Variants in SLCO1A2 observed in about 807,000 individuals in gnomAD.
SLCO1A2 encodes the protein OATP-1.
SLCO1A2 carries 67 observed loss-of-function variants against 69.0 expected under a neutral mutation model. The ratio of observed to expected loss-of-function variants is 0.97; its 90% CI spans 0.80 to 1.19. SLCO1A2 has a LOEUF of 1.19. Among genes scored for constraint, SLCO1A2 ranks in the 50% most tolerant of loss-of-function variants. SLCO1A2 has a pLI of 0.00. For missense variants in SLCO1A2, 787 were observed against 793.7 expected, an observed-to-expected ratio of 0.99 and a Z score of 0.10; for synonymous variants, 260 against 265.9, an observed-to-expected ratio of 0.98 and a Z score of 0.22.
At chr12:21,371,819 A>G (rs1184756112) in intron 2 of SLCO1A2, among the ~76,000 whole-genome samples, 1 of 152,156 alleles carries the variant, frequency 6.6e-6, no homozygotes, top group Non-Finnish European at 1.5e-5. Flanking sequence ...CCTGACCAAC[A>G]TAGAGAATCC....
At chr12:21,384,984 C>T (rs895204643) in intron 1 of SLCO1A2, among the ~76,000 whole-genome samples, 5 of 152,048 alleles carry the variant, frequency 3.3e-5, no homozygotes, top group African/African-American at 1.2e-4. Context: ...CCAGGATGGT[C>T]TCGATCTCCT....
intron 12 of SLCO1A2, among the ~76,000 whole-genome samples, chr12:21,275,930 A>ACACTC (rs1371936257): frequency 6.6e-6 from 1 of 151,154 alleles, no homozygotes; most frequent in Non-Finnish European, 1.5e-5. Flanking sequence ...TGATAGAGCT[A>ACACTC]CACTCCATCT....
intron 11 of SLCO1A2, among the ~76,000 whole-genome samples, chr12:21,293,421 C>T (rs902013502): frequency 6.6e-6 from 1 of 151,914 alleles, no homozygotes; most frequent in African/African-American, 2.4e-5. Flanking sequence ...CTTTGATCAC[C>T]AACCAACGTT....
At chr12:21,315,758 T>C (rs143236560) in intron 3 of SLCO1A2, among the ~76,000 whole-genome samples, 2 of 152,170 alleles carry the variant, frequency 1.3e-5, no homozygotes, top group African/African-American at 4.8e-5. Context: ...ACCAAGCCCA[T>C]CCGTGTTACA....
intron 2 of SLCO1A2, among the ~76,000 whole-genome samples, chr12:21,372,204 T>A (rs1283162388): frequency 1.3e-5 from 2 of 152,314 alleles, no homozygotes; most frequent in Admixed American, 1.3e-4. Flanking sequence ...TGTGTAAGAA[T>A]GAATGGAAAA....
In SLCO1A2 at chr12:21,300,427, A is replaced by G. The variant is rs909216650; in HGVS notation, c.831T>C (p.Thr277=). 6.2e-6 allele frequency: 10 copies of G among 1,613,420 alleles called. No individual in the cohort carries two copies. The Admixed American group carries it at 6.7e-5, about 11-fold the overall frequency. Residue 277 remains threonine, a synonymous_variant, in exon 8 of 15, where the codon ACT becomes ACC. Transcript: ENST00000683939. ...PNTLPKEGLE[T]NADIIKNENE... The stretch of plus-strand genomic sequence containing the variant: ...TTTCATTTTTAATGATGTCAGCATT[A>G]GTCTCTAGTCCTTCCTTTGGAAGTG...
rs374206190 is a variant in SLCO1A2 at position 21,402,172 on chromosome 12, A to G, written c.-312+15710T>C. 1.6e-4 allele frequency among the ~76,000 whole-genome samples: 24 copies of G among 151,112 alleles called. No homozygotes were observed. The East Asian group carries it at 4.3e-3, about 27-fold the overall frequency. ...AACCAAGAAACTATAATGGAAAAAA[A>G]TTGTGGAGTCTACTTCTTTAATAGT... On this transcript the variant is annotated intron_variant, in intron 1 of 4. Transcript: ENST00000413682.
At position 21,390,862 on chromosome 12, in the gene SLCO1A2, A is replaced by G. The variant is rs184280912; in HGVS notation, c.-190+4044T>C. 2.6e-3 allele frequency among the ~76,000 whole-genome samples: 390 copies of G among 152,300 alleles called. 3 individuals are homozygous for G. Among genetic ancestry groups the G allele is most frequent in the African/African-American group, 8.5e-3 (352 of 41,588 alleles). The stretch of plus-strand genomic sequence containing the variant: ...AGAGCCTGAAATGTTATAAATTTCA[A>G]TAATTGGTAGCTCCTGCTGCTAGAC... On this transcript the variant is annotated intron_variant, in intron 1 of 15. Transcript: ENST00000307378.
intron 1 of SLCO1A2, among the ~76,000 whole-genome samples, chr12:21,384,705 G>A (rs867713722): frequency 1.3e-5 from 2 of 151,010 alleles, no homozygotes; most frequent in Non-Finnish European, 2.9e-5. Context: ...TTGAAATCAT[G>A]GAAAGGCATT....
intron 2 of SLCO1A2, among the ~76,000 whole-genome samples, chr12:21,332,082 G>C (rs932989354): frequency 2.0e-5 from 3 of 152,130 alleles, no homozygotes; most frequent in Non-Finnish European, 2.9e-5. Flanking sequence ...AATCAATTTA[G>C]AAAGTTTATT....
upstream of SLCO1A2, among the ~76,000 whole-genome samples, chr12:21,396,109 A>T (rs1458078351): frequency 4.6e-5 from 7 of 152,098 alleles, no homozygotes; most frequent in South Asian, 1.0e-3. Context: ...AAAGGCAAAG[A>T]AGTTGAAAAC....
At chr12:21,304,896 C>A (rs559478193) in intron 5 of SLCO1A2, among the ~76,000 whole-genome samples, 1 of 152,280 alleles carries the variant, frequency 6.6e-6, no homozygotes, top group Non-Finnish European at 1.5e-5. Flanking sequence ...CAGAAATTGG[C>A]AAACATTAAA....
intron 2 of SLCO1A2, chr12:21,372,913 T>C: frequency 5.0e-6 from 1 of 201,150 alleles, no homozygotes. Flanking sequence ...AGGGGGTAAA[T>C]ATTCCAGTGG....
rs535861114 is a variant in SLCO1A2, at chr12:21,290,447, C to T, written c.1610+1717G>A. 2.6e-5 allele frequency among the ~76,000 whole-genome samples: 4 copies of T among 152,054 alleles called. No homozygotes were observed. The South Asian group carries it at 6.2e-4, about 24-fold the overall frequency. On this transcript the variant is annotated intron_variant, in intron 12 of 14. Transcript: ENST00000683939. Reference sequence around the variant, plus strand: ...GGCCAAAGTAATTAAATCAAGGTGACGCTGGTATGGGAACAGGCAAATAAA... The same window carrying T: ...GGCCAAAGTAATTAAATCAAGGTGATGCTGGTATGGGAACAGGCAAATAAA...
intron 2 of SLCO1A2, among the ~76,000 whole-genome samples, chr12:21,368,470 A>ATT (rs35001636): frequency 6.7e-6 from 1 of 148,776 alleles, no homozygotes; most frequent in Admixed American, 6.7e-5. Context: ...AACCAGTTAA[A>ATT]TTTTTTTTTT....
intron 4 of SLCO1A2, among the ~76,000 whole-genome samples, chr12:21,309,089 A>G (rs917356625): frequency 1.3e-5 from 2 of 152,214 alleles, no homozygotes; most frequent in Admixed American, 6.5e-5. Context: ...AAAATTAAAA[A>G]TGTGGTAGCA....
chr12:21,306,386 C>T (rs943337704), intron 5 of SLCO1A2, among the ~76,000 whole-genome samples: 13 of 151,840 alleles, frequency 8.6e-5, no homozygotes, highest in African/African-American at 3.1e-4. Context: ...AGTGCAATGG[C>T]GCAATCTTGG....
intron 4 of SLCO1A2, 64 bp from the exon 5 acceptor site, chr12:21,307,052 G>T: frequency 8.8e-7 from 1 of 1,130,612 alleles, no homozygotes; most frequent in Non-Finnish European, 1.3e-6. Flanking sequence ...TGGGCAATGT[G>T]CAGATTGTTA....
intron 2 of SLCO1A2, among the ~76,000 whole-genome samples, chr12:21,345,460 G>A (rs1953222633): frequency 1.3e-5 from 2 of 152,018 alleles, no homozygotes; most frequent in South Asian, 4.1e-4. Context: ...TTTCCTTTGG[G>A]CAAAGACAGT....
Sources: gnomAD v4.1 joint callset for allele counts (sites outside exome capture counted in the v4.1 genomes callset) on GRCh38, gnomAD v4.1.1 for gene constraint, MANE v1.5 for transcripts, NCBI Gene and HGNC (gene_info 2026-07-23, HGNC 2026-07-21) for gene names.